The following TBC1D5 variants were observed in gnomAD, a reference collection of about 807,000 sequenced individuals.
TBC1D5 encodes the protein TBC1 domain family, member 5.
Under a neutral mutation model 100.3 loss-of-function variants are expected in TBC1D5, and 75 were observed. The observed-to-expected ratio is 0.75, with a 90% CI of 0.62 to 0.91. The LOEUF (loss-of-function observed/expected upper bound fraction) is 0.91. TBC1D5 is among the 40% of genes least tolerant of loss of function. TBC1D5 has a pLI of 0.00. For synonymous variants in TBC1D5, 323 were observed against 325.6 expected, an observed-to-expected ratio of 0.99 and a Z score of 0.09; for missense variants, 910 against 942.4, an observed-to-expected ratio of 0.97 and a Z score of 0.45.
At chr3:17,664,165 G>A (rs2066974877) in intron 1 of TBC1D5, among the ~76,000 whole-genome samples, 1 of 152,110 alleles carries the variant, frequency 6.6e-6, no homozygotes, top group Non-Finnish European at 1.5e-5. Context: ...CACCTCCCGG[G>A]TTCAAGCAAT....
intron 2 of TBC1D5, among the ~76,000 whole-genome samples, chr3:17,532,661 A>G (rs2096242270): frequency 6.6e-6 from 1 of 152,238 alleles, no homozygotes; most frequent in East Asian, 1.9e-4. Context: ...CAGCCATAAA[A>G]AAGGATGAGT....
chr3:17,390,341 T>C (rs1442800128), intron 8 of TBC1D5, among the ~76,000 whole-genome samples: 4 of 152,136 alleles, frequency 2.6e-5, no homozygotes, highest in African/African-American at 9.7e-5. Flanking sequence ...ATCGGGGCTA[T>C]CTGTAATGCA....
At chr3:17,359,424 T>C (rs915768972) in intron 13 of TBC1D5, among the ~76,000 whole-genome samples, 2 of 151,978 alleles carry the variant, frequency 1.3e-5, no homozygotes, top group African/African-American at 4.8e-5. Flanking sequence ...TCAGATAAAA[T>C]TATACCGGTA....
chr3:17,384,603 G>A (rs2093077811), intron 8 of TBC1D5, among the ~76,000 whole-genome samples: 1 of 152,014 alleles, frequency 6.6e-6, no homozygotes, highest in Admixed American at 6.6e-5. Flanking sequence ...ATGTCATCTA[G>A]TAGTAGTAGT....
At chr3:17,330,414 C>G (rs897766147) in intron 13 of TBC1D5, among the ~76,000 whole-genome samples, 1 of 152,090 alleles carries the variant, frequency 6.6e-6, no homozygotes, top group Non-Finnish European at 1.5e-5. Flanking sequence ...TCAATCATCT[C>G]TCTCAAAGCA....
rs78173787 is a variant in TBC1D5 at position 17,461,219 on chromosome 3, G to C, written c.98-32700C>G. On this transcript the variant is annotated intron_variant, in intron 3 of 21. Transcript: ENST00000253692. ...ATATGAATGCAATAATGCAAGCACA[G>C]TTTAACATTTTCAGTTAATTGTTCA... 1.5e-3 allele frequency among the ~76,000 whole-genome samples: 236 copies of C among 152,290 alleles called. 3 individuals carry two copies. The East Asian group carries it at 0.04, about 26-fold the overall frequency.
At chr3:17,410,041 A>G (rs957090178) in intron 4 of TBC1D5, among the ~76,000 whole-genome samples, 1 of 152,130 alleles carries the variant, frequency 6.6e-6, no homozygotes, top group African/African-American at 2.4e-5. Flanking sequence ...TTTCATAGCT[A>G]GGGACGAGAA....
At chr3:17,367,602 TAA>T (rs2092229134) in intron 13 of TBC1D5, among the ~76,000 whole-genome samples, 1 of 152,160 alleles carries the variant, frequency 6.6e-6, no homozygotes, top group Admixed American at 6.5e-5. Flanking sequence ...CTCACACGTG[TAA>T]CCCCAGCACT....
intron 1 of TBC1D5, among the ~76,000 whole-genome samples, chr3:17,637,204 T>G (rs1451300675): frequency 7.1e-6 from 1 of 140,342 alleles, no homozygotes; most frequent in African/African-American, 2.7e-5. Context: ...TTTTTTTTTT[T>G]TTTTTTTTTT....
chr3:17,559,058 G>A (rs542350319), intron 2 of TBC1D5, among the ~76,000 whole-genome samples: 106 of 149,442 alleles, frequency 7.1e-4, no homozygotes, highest in African/African-American at 2.5e-3. Context: ...AATATTTTAC[G>A]GTCTATTTTC....
chr3:17,280,375 C>A (rs1207544326), intron 15 of TBC1D5, among the ~76,000 whole-genome samples: 1 of 152,222 alleles, frequency 6.6e-6, no homozygotes, highest in East Asian at 1.9e-4. Flanking sequence ...GGAGCTGTGG[C>A]CCAAACATCC....
At chr3:17,558,106 T>C (rs1277174074) in intron 2 of TBC1D5, among the ~76,000 whole-genome samples, 2 of 152,210 alleles carry the variant, frequency 1.3e-5, no homozygotes, top group Admixed American at 1.3e-4. Context: ...TTCTATTTTA[T>C]AGCTCCCAAA....
At chr3:17,313,344 T>C (rs1174698606) in intron 13 of TBC1D5, among the ~76,000 whole-genome samples, 1 of 152,150 alleles carries the variant, frequency 6.6e-6, no homozygotes, top group Non-Finnish European at 1.5e-5. Flanking sequence ...GTTGGACACG[T>C]TGGGAAAACG....
chr3:17,704,869 G>C (rs1393290507), intron 1 of TBC1D5, among the ~76,000 whole-genome samples: 33 of 107,502 alleles, frequency 3.1e-4, no homozygotes, highest in African/African-American at 1.1e-3. Flanking sequence ...CTGGCCGGGC[G>C]GGGGGCTGAC....
Position 17,534,757 on chromosome 3 carries a change from G to C in TBC1D5, c.-35-26152C>G, listed in dbSNP as rs1287566789. Among the ~76,000 whole-genome samples, 33 of 152,122 alleles carry C rather than the reference G, an allele frequency of 2.2e-4. 1 individual carries two copies. Among genetic ancestry groups the C allele is most frequent in the Admixed American group, 2.1e-3 (32 of 15,268 alleles). On this transcript the variant is annotated intron_variant, in intron 2 of 21. Transcript: ENST00000253692. Reference sequence around the variant, plus strand: ...GGAATCAGATATGATCTAAGTTACTGTTTCCCTTTAAAGGAACTAATGTAT... The same window carrying C: ...GGAATCAGATATGATCTAAGTTACTCTTTCCCTTTAAAGGAACTAATGTAT...
chr3:17,493,280 G>A (rs1486201733), intron 3 of TBC1D5, among the ~76,000 whole-genome samples: 6 of 151,176 alleles, frequency 4.0e-5, no homozygotes, highest in Non-Finnish European at 8.8e-5. Flanking sequence ...AATCTCTTCC[G>A]GCTTGTAGGA....
intron 2 of TBC1D5, among the ~76,000 whole-genome samples, chr3:17,559,751 G>A (rs1440151405): frequency 2.0e-5 from 3 of 151,540 alleles, no homozygotes; most frequent in Admixed American, 6.6e-5. Context: ...GACCATGCCC[G>A]GCTAATTTTT....
At chr3:17,189,451 T>C (rs1039906927) in intron 18 of TBC1D5, among the ~76,000 whole-genome samples, 1 of 152,162 alleles carries the variant, frequency 6.6e-6, no homozygotes, top group African/African-American at 2.4e-5. Flanking sequence ...CCAATTGTAA[T>C]TGGTGCCCTA....
intron 7 of TBC1D5, among the ~76,000 whole-genome samples, chr3:17,403,646 T>C (rs2093698404): frequency 6.6e-6 from 1 of 152,062 alleles, no homozygotes; most frequent in African/African-American, 2.4e-5. Flanking sequence ...TTATAAGTAA[T>C]CTAGAGATTA....
Sources: gnomAD v4.1 joint callset for allele counts (sites outside exome capture counted in the v4.1 genomes callset) on GRCh38, gnomAD v4.1.1 for gene constraint, MANE v1.5 for transcripts, NCBI Gene and HGNC (gene_info 2026-07-23, HGNC 2026-07-21) for gene names.